Variants in GAPDHS observed in about 807,000 individuals in gnomAD.
GAPDHS encodes glyceraldehyde-3-phosphate dehydrogenase, spermatogenic, also known as glyceraldehyde-3-phosphate dehydrogenase, testis-specific.
GAPDHS carries 42 observed loss-of-function variants against 48.7 expected under a neutral mutation model. The ratio of observed to expected loss-of-function variants is 0.86; its 90% CI spans 0.67 to 1.12. The LOEUF is 1.12. Among genes scored for constraint, GAPDHS ranks in the 50% most tolerant of loss-of-function variants. GAPDHS has a pLI of 0.00. For missense variants in GAPDHS, 512 were observed against 557.7 expected (o/e 0.92, Z 0.82); for synonymous variants, 166 against 219.1 (o/e 0.76, Z 2.14).
Position 35,536,854 on chromosome 19 carries a change from G to C in GAPDHS, c.109G>C (p.Glu37Gln), listed in dbSNP as rs148360343. 110 of 1,613,618 alleles carry C rather than the reference G, an allele frequency of 6.8e-5. No individual in the cohort carries two copies. The highest frequency in any genetic ancestry group is 1.7e-4 in the Admixed American group (10 of 59,984). ...CCCACCTGAGCCTAAGGCTGAAGTAGAGCCCCAGCCACAACCAGAGCCCAC... is the reference window on the plus strand; with the variant it reads ...CCCACCTGAGCCTAAGGCTGAAGTACAGCCCCAGCCACAACCAGAGCCCAC... The part of the protein sequence containing the change: ...PPPPEPKAEV[E>Q]PQPQPEPTPV... Residue 37 changes from glutamate (E) to glutamine (Q), a missense_variant, in exon 2 of 11, where the codon GAG becomes CAG. Physicochemically the swap from Glu to Gln is conservative, Grantham distance 29. Transcript: ENST00000222286.
rs1600133499 is a variant in GAPDHS, at chr19:35,542,219, G to A, written c.450-100G>A. ...GTAGGGGACGCAGGTGGTTGCAGGTGGGCCGGTACCTGCTCAGCCTGTCAA... is the reference window on the plus strand; with the variant it reads ...GTAGGGGACGCAGGTGGTTGCAGGTAGGCCGGTACCTGCTCAGCCTGTCAA... On this transcript the variant is annotated intron_variant, in intron 4 of 10. Coordinates refer to ENST00000222286, the MANE Select transcript of GAPDHS (RefSeq NM_014364.5). 4 of 783,200 alleles carry A rather than the reference G, an allele frequency of 5.1e-6. No homozygotes were observed. The East Asian group carries it at 7.8e-5, about 15-fold the overall frequency. The allele number at this position is 783,200 out of a possible 1,614,324, so 48.5% of individuals were successfully genotyped here. A position where few individuals can be genotyped will look rare whatever the true frequency, so the allele number is the denominator to read the frequency against.
intron 2 of GAPDHS, among the ~76,000 whole-genome samples, chr19:35,537,724 A>G (rs1474216910): frequency 1.3e-5 from 2 of 152,054 alleles, no homozygotes; most frequent in Non-Finnish European, 2.9e-5. Flanking sequence ...TACAGAAAAA[A>G]ATTGTTTTAA....
At chr19:35,538,268 C>T (rs757471432) in intron 2 of GAPDHS, 39 bp from the exon 3 acceptor site, 6 of 1,416,466 alleles carry the variant, frequency 4.2e-6, no homozygotes, top group Non-Finnish European at 5.0e-6. Flanking sequence ...TCTCCATTAC[C>T]CCCTTCTCTC....
At chr19:35,539,423 C>A (rs927762709) in intron 4 of GAPDHS, among the ~76,000 whole-genome samples, 1 of 152,132 alleles carries the variant, frequency 6.6e-6, no homozygotes, top group Non-Finnish European at 1.5e-5. Context: ...TGCCCTGGGC[C>A]GAGAGAAGGG....
chr19:35,533,821 T>C (rs1445613995), intron 1 of GAPDHS, among the ~76,000 whole-genome samples: 1 of 152,206 alleles, frequency 6.6e-6, no homozygotes, highest in Non-Finnish European at 1.5e-5. Flanking sequence ...CTGGGTGGGC[T>C]TCGCGCCGCT....
chr19:35,534,871 C>A lies in GAPDHS; in HGVS notation c.67+1277C>A, dbSNP rs539347065. The stretch of plus-strand genomic sequence containing the variant: ...TGGCCCCCGGCTCCCAGCCCCACCA[C>A]CCCCCAGGTGCCTTTGATTTGGTGC... On this transcript the variant is annotated intron_variant, in intron 1 of 10. Transcript: ENST00000222286. 3.3e-5 allele frequency among the ~76,000 whole-genome samples: 5 copies of A among 151,416 alleles called. No homozygotes were observed. In the East Asian group the frequency reaches 9.7e-4, roughly 29 times the overall value.
At position 35,542,377 on chromosome 19, in the gene GAPDHS, A is replaced by G; in HGVS notation, c.508A>G (p.Thr170Ala). 1 of 1,611,714 alleles carries G rather than the reference A, an allele frequency of 6.2e-7. No homozygotes were observed. The highest frequency in any genetic ancestry group is 8.5e-7 in the Non-Finnish European group (1 of 1,178,112). Residue 170 changes from threonine to alanine, a missense_variant, in exon 5 of 11, where the codon ACA becomes GCA. Coordinates refer to ENST00000222286, the MANE Select transcript of GAPDHS (RefSeq NM_014364.5). ...CGGGAGCCCCTACGTGGTGGAGTCC[A>G]CAGGCGTGTACCTCTCCATACAGGC... ...AVGSPYVVES[T>A]GVYLSIQAAS...
At chr19:35,538,852 C>A (rs185693192) in intron 4 of GAPDHS, among the ~76,000 whole-genome samples, 169 bp downstream of exon 4, 130 of 152,320 alleles carry the variant, frequency 8.5e-4, no homozygotes, top group African/African-American at 3.0e-3. Context: ...AGGTCCTTCA[C>A]CCCTAAAATG....
At chr19:35,543,534 A>C (rs1384555515) in intron 8 of GAPDHS, 43 bp downstream of exon 8, 2 of 1,582,430 alleles carry the variant, frequency 1.3e-6, no homozygotes, top group Admixed American at 3.7e-5. Flanking sequence ...GGCATACGCC[A>C]GGAGGACTGG....
Position 35,543,821 on chromosome 19 carries a change from G to A in GAPDHS, c.1050G>A (p.Glu350=), listed in dbSNP as rs1202161137. 3 of 1,610,898 alleles carry A rather than the reference G, an allele frequency of 1.9e-6. No individual in the cohort carries two copies. Among genetic ancestry groups the A allele is most frequent in the Non-Finnish European group, 2.5e-6 (3 of 1,178,866 alleles). ...GPMAGILAYT[E]DEVVSTDFLG... The stretch of plus-strand genomic sequence containing the variant: ...TGGCTGGCATCCTTGCCTACACCGA[G>A]GATGAGGTAGGGGCTGAGGAGAGGA... The change falls in exon 9 of 11, where the codon GAG becomes GAA. Residue 350 remains glutamate, a synonymous_variant. Coordinates refer to ENST00000222286, the MANE Select transcript of GAPDHS (RefSeq NM_014364.5).
intron 1 of GAPDHS, among the ~76,000 whole-genome samples, chr19:35,536,305 C>T (rs2071465657): frequency 6.6e-6 from 1 of 151,956 alleles, no homozygotes; most frequent in Non-Finnish European, 1.5e-5. Context: ...CCCGGCCAGG[C>T]GCAGTGGCTC....
intron 1 of GAPDHS, among the ~76,000 whole-genome samples, 182 bp downstream of exon 1, chr19:35,533,776 G>C (rs1235074077): frequency 6.6e-6 from 1 of 152,214 alleles, no homozygotes; most frequent in Admixed American, 6.5e-5. Flanking sequence ...GGGGTTTACT[G>C]CCATGGCGGG....
At chr19:35,536,237 G>A (rs2071465228) in intron 1 of GAPDHS, among the ~76,000 whole-genome samples, 1 of 152,054 alleles carries the variant, frequency 6.6e-6, no homozygotes, top group Non-Finnish European at 1.5e-5. Context: ...CCCTTACAGA[G>A]GAGGAAACTG....
intron 9 of GAPDHS, 86 bp from the exon 10 acceptor site, chr19:35,544,823 G>T: frequency 1.2e-6 from 1 of 802,944 alleles, no homozygotes; most frequent in South Asian, 1.3e-5. Context: ...ATGCATGGAT[G>T]GGCGATAGAG....
chr19:35,533,832 A>G (rs1337658875), intron 1 of GAPDHS, among the ~76,000 whole-genome samples: 2 of 152,312 alleles, frequency 1.3e-5, no homozygotes, highest in Non-Finnish European at 2.9e-5. Flanking sequence ...TCGCGCCGCT[A>G]TCACGCGGTA....
Position 35,542,337 on chromosome 19 carries a change from C to A in GAPDHS, c.468C>A (p.Ile156=). The change falls in exon 5 of 11, where the codon ATC becomes ATA. Residue 156 remains isoleucine, a synonymous_variant. Transcript: ENST00000222286. ...CCCACAGCAAAGAGCCCAAACAGAT[C>A]CCCTGGAGGGCTGTCGGGAGCCCCT... ...SVYQCKEPKQ[I]PWRAVGSPYV... The A allele has an allele frequency of 6.2e-7, 1 of 1,611,780 alleles. No individual in the cohort carries two copies.
chr19:35,543,741 C>T lies in GAPDHS; in HGVS notation c.970C>T (p.Pro324Ser), dbSNP rs745411918. 4.3e-6 allele frequency: 7 copies of T among 1,613,930 alleles called. No homozygotes were observed. In the African/African-American group the frequency reaches 9.3e-5, roughly 22 times the overall value. Reference protein sequence around the residue: ...VVDLTCRLAQPAPYSAIKEAV... With the variant: ...VVDLTCRLAQSAPYSAIKEAV... Reference sequence around the variant, plus strand: ...GGACCTGACCTGCCGCCTCGCCCAGCCTGCCCCCTACTCAGCCATCAAGGA... The same window carrying T: ...GGACCTGACCTGCCGCCTCGCCCAGTCTGCCCCCTACTCAGCCATCAAGGA... Residue 324 changes from proline (P) to serine (S), a missense_variant, in exon 9 of 11, where the codon CCT becomes TCT. By Grantham distance (74) the Pro-to-Ser change is moderately conservative. Transcript: ENST00000222286.
rs2071537633 is a variant in GAPDHS at position 35,545,172 on chromosome 19, A to G, written c.*2A>G. On this transcript the variant is annotated 3_prime_UTR_variant, in exon 11 of 11. Coordinates refer to ENST00000222286, the MANE Select transcript of GAPDHS (RefSeq NM_014364.5). ...TACATGTTCAGCCGAGACAAGTGAA[A>G]CGGGAAGGTCCTTTCTTTCCTTCCC... The G allele has an allele frequency of 6.2e-7, 1 of 1,611,424 alleles. No individual in the cohort carries two copies. Among genetic ancestry groups the G allele is most frequent in the Non-Finnish European group, 8.5e-7 (1 of 1,177,648 alleles).
intron 2 of GAPDHS, 101 bp from the exon 3 acceptor site, chr19:35,538,206 C>A: frequency 1.3e-6 from 1 of 770,876 alleles, no homozygotes; most frequent in Non-Finnish European, 2.2e-6. Flanking sequence ...GAGGTTGTTG[C>A]CTTCTTCCCC....
Sources: allele counts gnomAD v4.1 joint callset (sites outside exome capture counted in the v4.1 genomes callset), GRCh38; gene constraint gnomAD v4.1.1; transcripts MANE v1.5; gene names NCBI Gene and HGNC (gene_info 2026-07-23, HGNC 2026-07-21).